NPAT: variants seen among roughly 807,000 people sequenced by gnomAD.
NPAT encodes nuclear protein, coactivator of histone transcription.
Under a neutral mutation model 130.7 loss-of-function variants are expected in NPAT, and 52 were observed. That is an observed-to-expected ratio of 0.40 (90% confidence interval 0.32 to 0.50). The LOEUF (loss-of-function observed/expected upper bound fraction) is 0.50, where lower values mean the gene tolerates loss of function less well. NPAT is among the 20% of genes least tolerant of loss of function. NPAT has a pLI of 0.68. For missense variants in NPAT, 1,687 were observed against 1,662.6 expected (o/e 1.01, Z -0.26); for synonymous variants, 580 against 584.8 (o/e 0.99, Z 0.12).
Position 108,161,999 on chromosome 11 carries a change from G to T in NPAT, c.3087C>A (p.Asp1029Glu). Residue 1029 changes from aspartate to glutamate, a missense_variant, in exon 17 of 18, where the codon GAC becomes GAA. Asp to Glu is a conservative substitution (Grantham distance 45). Around this residue, in one of 3 missense-constraint regions of NPAT, gnomAD observed 1,379 missense variants for 1,346.6 expected, o/e 1.02. Transcript: ENST00000278612. ...TCCCAAGATCTGTGGCAATACTTTT[G>T]TCAGAAACTTCAGTTCTAAAACAAA... ...GCHAQKTEVS[D>E]KSIATDLGKK... 6.2e-7 allele frequency: 1 copy of T among 1,608,730 alleles called. No individual in the cohort carries two copies. The highest frequency in any genetic ancestry group is 2.2e-5 in the East Asian group (1 of 44,850).
intron 1 of NPAT, among the ~76,000 whole-genome samples, chr11:108,200,039 T>C (rs1185865268): frequency 6.6e-6 from 1 of 152,228 alleles, no homozygotes; most frequent in Admixed American, 6.5e-5. Context: ...TGTCTGTTCT[T>C]AGAAGCAAGA....
chr11:108,204,547 ACCTGCCG>A (rs1226996700), intron 1 of NPAT, among the ~76,000 whole-genome samples: 2 of 33,144 alleles, frequency 6.0e-5, no homozygotes, highest in Non-Finnish European at 1.6e-4. Flanking sequence ...AAACCCTGGA[ACCTGCCG>A]AACCTGCCGA....
At chr11:108,160,492 G>T (rs990135084) in intron 17 of NPAT, among the ~76,000 whole-genome samples, 14 of 151,858 alleles carry the variant, frequency 9.2e-5, no homozygotes, top group African/African-American at 3.4e-4. Context: ...GTTTAATATT[G>T]TTTCCCAATC....
In NPAT at chr11:108,186,860, A is replaced by C. The variant is rs2078112759; in HGVS notation, c.639-291T>G. ...TTCGGTTGAAAAAAACTTGAGTATA[A>C]ATGAACCCATGCAGTTGAAACCCAT... On this transcript the variant is annotated intron_variant, in intron 7 of 17. Coordinates refer to ENST00000278612, the MANE Select transcript of NPAT (RefSeq NM_002519.3). 2.0e-5 allele frequency among the ~76,000 whole-genome samples: 3 copies of C among 152,198 alleles called. No individual in the cohort carries two copies. The South Asian group carries it at 6.2e-4, about 31-fold the overall frequency.
chr11:108,199,058 G>A lies in NPAT; in HGVS notation c.38-1638C>T, dbSNP rs539114646. 1.1e-4 allele frequency among the ~76,000 whole-genome samples: 17 copies of A among 152,328 alleles called. No homozygotes were observed. In the South Asian group the frequency reaches 2.9e-3, roughly 26 times the overall value. On this transcript the variant is annotated intron_variant, in intron 1 of 17. Coordinates refer to ENST00000278612, the MANE Select transcript of NPAT (RefSeq NM_002519.3). ...GCAGACTGAAGCAGGGTAGAGGGACGGAATGAGCTGTAACACAAACGAGCT... is the reference window on the plus strand; with the variant it reads ...GCAGACTGAAGCAGGGTAGAGGGACAGAATGAGCTGTAACACAAACGAGCT...
chr11:108,204,631 G>A (rs991639333), intron 1 of NPAT, among the ~76,000 whole-genome samples: 5 of 152,254 alleles, frequency 3.3e-5, no homozygotes, highest in East Asian at 3.8e-4. Flanking sequence ...TGCCAGGAGC[G>A]GACAGCCGCC....
intron 1 of NPAT, among the ~76,000 whole-genome samples, chr11:108,204,764 G>A (rs183837793): frequency 2.6e-5 from 4 of 152,334 alleles, no homozygotes; most frequent in Non-Finnish European, 4.4e-5. Flanking sequence ...ATCATTCGCT[G>A]CCTTGTGGAT....
chr11:108,220,921 G>C (rs2078482199), intron 1 of NPAT, among the ~76,000 whole-genome samples: 1 of 152,216 alleles, frequency 6.6e-6, no homozygotes, highest in Admixed American at 6.5e-5. Context: ...GCACATTGCG[G>C]GATTGGTGGC....
At chr11:108,180,735 C>T (rs755532837) in intron 10 of NPAT, among the ~76,000 whole-genome samples, 2 of 152,144 alleles carry the variant, frequency 1.3e-5, no homozygotes, top group Non-Finnish European at 2.9e-5. Flanking sequence ...ATCTCAAAGA[C>T]GTATTTGTAC....
chr11:108,178,093 T>C (rs1012891739), intron 10 of NPAT, among the ~76,000 whole-genome samples: 1 of 152,178 alleles, frequency 6.6e-6, no homozygotes, highest in African/African-American at 2.4e-5. Context: ...TCCTTCAATA[T>C]AAATCTATTT....
At position 108,203,756 on chromosome 11, in the gene NPAT, C is replaced by T. The variant is rs546389799; in HGVS notation, c.38-6336G>A. On this transcript the variant is annotated intron_variant, in intron 1 of 17. Coordinates refer to ENST00000278612, the MANE Select transcript of NPAT (RefSeq NM_002519.3). ...ATTTTTCTTCTAAAGTTTAACTGTC[C>T]CCATACAAGATTTAATTTCTTTCAC... is the stretch of plus-strand genomic sequence containing the variant. Among the ~76,000 whole-genome samples the T allele has an allele frequency of 2.0e-5, 3 of 152,242 alleles. No homozygotes were observed. In the East Asian group the frequency reaches 5.8e-4, roughly 29 times the overall value.
intron 1 of NPAT, chr11:108,208,448 C>T: frequency 2.2e-6 from 1 of 455,932 alleles, no homozygotes; most frequent in Non-Finnish European, 4.4e-6. Context: ...ATTAGCTGGG[C>T]TTGGTGGTGT....
chr11:108,219,058 C>T (rs571617401), intron 1 of NPAT, among the ~76,000 whole-genome samples: 16 of 152,242 alleles, frequency 1.1e-4, no homozygotes, highest in Non-Finnish European at 2.1e-4. Flanking sequence ...ACCTCAAACA[C>T]GTTCTTGACC....
At chr11:108,165,452 T>TA (rs2077892117) in intron 15 of NPAT, among the ~76,000 whole-genome samples, 1 of 133,918 alleles carries the variant, frequency 7.5e-6, no homozygotes, top group Non-Finnish European at 1.6e-5. Context: ...ACATATGTAT[T>TA]TATATATATA....
intron 1 of NPAT, among the ~76,000 whole-genome samples, chr11:108,210,697 C>A (rs765297928): frequency 6.6e-6 from 1 of 152,154 alleles, no homozygotes; most frequent in Non-Finnish European, 1.5e-5. Context: ...AGACCTATAA[C>A]AAGAAATGGA....
Position 108,222,634 on chromosome 11 carries a change from G to C in NPAT, c.-98C>G. The C allele has an allele frequency of 7.5e-7, 1 of 1,340,896 alleles. No individual in the cohort carries two copies. Among genetic ancestry groups the C allele is most frequent in the African/African-American group, 1.4e-5 (1 of 69,394 alleles). 83.1% of individuals were successfully genotyped at this position (1,340,896 alleles called of 1,614,324 possible). ...GCCGCATCTCCTGGTTCCAGTGGCG[G>C]CACTGAACTCGCGGCAATTTGTCCC... On this transcript the variant is annotated 5_prime_UTR_variant, in exon 1 of 18. Transcript: ENST00000278612.
At position 108,173,717 on chromosome 11, in the gene NPAT, T is replaced by C; in HGVS notation, c.1267A>G (p.Ile423Val). 1.2e-6 allele frequency: 2 copies of C among 1,614,206 alleles called. No homozygotes were observed. The highest frequency in any genetic ancestry group is 8.5e-7 in the Non-Finnish European group (1 of 1,180,040). Residue 423 changes from isoleucine to valine, a missense_variant, in exon 13 of 18, where the codon ATA (isoleucine) becomes GTA (valine). Transcript: ENST00000278612. ...QENFSQISTSIQKKAFKTAVP... is the reference protein window; with the variant it reads ...QENFSQISTSVQKKAFKTAVP... The stretch of plus-strand genomic sequence containing the variant: ...GCTGTTTTAAAGGCCTTTTTCTGTA[T>C]GCTGGTACTTATTTGGGAAAAATTT...
intron 1 of NPAT, among the ~76,000 whole-genome samples, chr11:108,208,888 C>T (rs2078355762): frequency 6.6e-6 from 1 of 152,110 alleles, no homozygotes; most frequent in Admixed American, 6.5e-5. Context: ...TTTTCCAGGG[C>T]CGACCATATA....
intron 1 of NPAT, among the ~76,000 whole-genome samples, chr11:108,218,259 A>G (rs1292070246): frequency 6.6e-6 from 1 of 152,210 alleles, no homozygotes; most frequent in Non-Finnish European, 1.5e-5. Flanking sequence ...GGTGGTAATG[A>G]GTAACTAAAT....
Sources: gnomAD v4.1 joint callset for allele counts (sites outside exome capture counted in the v4.1 genomes callset) on GRCh38, gnomAD v4.1.1 for gene constraint, gnomAD v4.1.1 regional missense constraint, MANE v1.5 for transcripts, NCBI Gene and HGNC (gene_info 2026-07-23, HGNC 2026-07-21) for gene names.